Variants in TECRL observed in about 807,000 individuals in gnomAD.
TECRL encodes the protein trans-2,3-enoyl-CoA reductase like, also known as trans-2,3-enoyl-CoA reductase-like.
Under a neutral mutation model 52.8 loss-of-function variants are expected in TECRL, and 63 were observed. That is an observed-to-expected ratio of 1.19 (90% CI 0.97 to 1.47). The LOEUF (loss-of-function observed/expected upper bound fraction) is 1.47, where lower values mean the gene tolerates loss of function less well. Among genes scored for constraint, TECRL ranks in the 40% most tolerant of loss-of-function variants. The pLI is 0.00. For missense variants in TECRL, 482 were observed against 429.6 expected (o/e 1.12, Z -1.08); for synonymous variants, 164 against 141.9 (o/e 1.16, Z -1.10).
At chr4:64,356,494 G>C (rs1470887357) in intron 2 of TECRL, among the ~76,000 whole-genome samples, 1 of 152,180 alleles carries the variant, frequency 6.6e-6, no homozygotes, top group Non-Finnish European at 1.5e-5. Flanking sequence ...ATGCTGCTTT[G>C]TTATTCTTTA....
intron 3 of TECRL, among the ~76,000 whole-genome samples, chr4:64,323,264 C>CTG (rs1718031683): frequency 6.6e-6 from 1 of 151,792 alleles, no homozygotes; most frequent in East Asian, 1.9e-4. Flanking sequence ...AGGCATGGTG[C>CTG]TGTGTGCCTG....
At chr4:64,326,144 C>A (rs1718247790) in intron 3 of TECRL, among the ~76,000 whole-genome samples, 1 of 152,048 alleles carries the variant, frequency 6.6e-6, no homozygotes, top group African/African-American at 2.4e-5. Flanking sequence ...GGGTACACAA[C>A]AAACCTAGTG....
intron 4 of TECRL, among the ~76,000 whole-genome samples, chr4:64,317,132 G>T (rs1411195043): frequency 3.3e-5 from 5 of 152,046 alleles, no homozygotes; most frequent in Non-Finnish European, 7.4e-5. Flanking sequence ...TAAAAAATTA[G>T]CCGGGCGTGG....
intron 9 of TECRL, among the ~76,000 whole-genome samples, chr4:64,283,939 T>C (rs1387985726): frequency 3.3e-5 from 5 of 151,984 alleles, no homozygotes; most frequent in African/African-American, 1.2e-4. Flanking sequence ...TTCTAGCCAC[T>C]ACAACTAGGG....
At chr4:64,319,387 C>T (rs1256133184) in intron 4 of TECRL, among the ~76,000 whole-genome samples, 2 of 151,700 alleles carry the variant, frequency 1.3e-5, no homozygotes, top group Admixed American at 6.6e-5. Flanking sequence ...GGACCTACAA[C>T]TAAGTTGAAG....
intron 9 of TECRL, among the ~76,000 whole-genome samples, chr4:64,288,641 C>T (rs1723208378): frequency 6.6e-6 from 1 of 152,054 alleles, no homozygotes; most frequent in East Asian, 1.9e-4. Context: ...TGAGAAGAAG[C>T]TCCAAAGCAC....
At chr4:64,393,036 C>T (rs1723653066) in intron 1 of TECRL, among the ~76,000 whole-genome samples, 1 of 151,906 alleles carries the variant, frequency 6.6e-6, no homozygotes, top group South Asian at 2.1e-4. Flanking sequence ...GCTGTAGTAT[C>T]ATTTGTGCTT....
chr4:64,363,786 T>C (rs900132352), intron 2 of TECRL, among the ~76,000 whole-genome samples: 4 of 152,184 alleles, frequency 2.6e-5, no homozygotes, highest in Admixed American at 2.6e-4. Context: ...TTATTATGGC[T>C]AGCAGATATT....
intron 2 of TECRL, among the ~76,000 whole-genome samples, chr4:64,367,984 C>T (rs1055814940): frequency 3.9e-5 from 6 of 151,974 alleles, no homozygotes; most frequent in Non-Finnish European, 7.4e-5. Flanking sequence ...GGCATCAACA[C>T]TACCAGGTTT....
intron 4 of TECRL, among the ~76,000 whole-genome samples, chr4:64,321,842 T>C (rs1717921906): frequency 6.6e-6 from 1 of 152,196 alleles, no homozygotes; most frequent in Admixed American, 6.5e-5. Context: ...TTTTTCATGG[T>C]CAGTTGCCAA....
chr4:64,304,985 TA>T (rs2109986276), intron 7 of TECRL, 180 bp downstream of exon 7: 2 of 412,992 alleles, frequency 4.8e-6, no homozygotes, highest in Non-Finnish European at 8.7e-6. Flanking sequence ...ACAAAATAAA[TA>T]AAAATATATG....
At chr4:64,306,337 AG>A (rs1159136241) in intron 6 of TECRL, among the ~76,000 whole-genome samples, 1 of 152,108 alleles carries the variant, frequency 6.6e-6, no homozygotes, top group African/African-American at 2.4e-5. Context: ...GGGACTTAGA[AG>A]GATATCCTGG....
chr4:64,392,461 T>C (rs1217779963), intron 1 of TECRL, among the ~76,000 whole-genome samples: 2 of 151,862 alleles, frequency 1.3e-5, no homozygotes, highest in Non-Finnish European at 2.9e-5. Flanking sequence ...AACTCCAGAC[T>C]CTCTGAATGA....
chr4:64,360,648 C>T (rs373298524), intron 2 of TECRL, among the ~76,000 whole-genome samples: 1 of 151,996 alleles, frequency 6.6e-6, no homozygotes, highest in African/African-American at 2.4e-5. Context: ...TGAGTATGGA[C>T]AGAGGGAGGA....
intron 9 of TECRL, among the ~76,000 whole-genome samples, chr4:64,287,255 C>T (rs1461776298): frequency 6.6e-6 from 1 of 152,074 alleles, no homozygotes; most frequent in East Asian, 1.9e-4. Flanking sequence ...AAGTTGAGTA[C>T]TCATCACAAT....
At position 64,327,795 on chromosome 4, in the gene TECRL, A is replaced by G. The variant is rs555193968; in HGVS notation, c.331+717T>C. On this transcript the variant is annotated intron_variant, in intron 3 of 11. Transcript: ENST00000381210. Reference sequence around the variant, plus strand: ...CCTAAGAGAGGGCAACCTAAATATTAGGAAAAGCAATAGAAAAAAAATTCA... The same window carrying G: ...CCTAAGAGAGGGCAACCTAAATATTGGGAAAAGCAATAGAAAAAAAATTCA... 3.3e-5 allele frequency among the ~76,000 whole-genome samples: 5 copies of G among 152,130 alleles called. No individual in the cohort carries two copies. The East Asian group carries it at 7.7e-4, about 24-fold the overall frequency.
intron 2 of TECRL, among the ~76,000 whole-genome samples, chr4:64,346,972 G>T (rs537489149): frequency 6.6e-6 from 1 of 152,202 alleles, no homozygotes; most frequent in Non-Finnish European, 1.5e-5. Context: ...TGTTCTGTGT[G>T]TGCCTACGTC....
chr4:64,282,237 C>A (rs1241309673), intron 9 of TECRL, among the ~76,000 whole-genome samples: 1 of 151,814 alleles, frequency 6.6e-6, no homozygotes, highest in African/African-American at 2.4e-5. Flanking sequence ...TTTTAGATAA[C>A]AAATTTTTAA....
In TECRL at chr4:64,314,022, C is replaced by A. The variant is rs1577854935; in HGVS notation, c.551+626G>T. ...AAAATTAGCTGAGCATTGTGGCAAG[C>A]ACCTGTAGTCCCAGCTACTCGGGAG... On this transcript the variant is annotated intron_variant, in intron 5 of 11. Coordinates refer to ENST00000381210, the MANE Select transcript of TECRL (RefSeq NM_001010874.5). 2.7e-5 allele frequency among the ~76,000 whole-genome samples: 4 copies of A among 146,982 alleles called. No homozygotes were observed. The South Asian group carries it at 8.8e-4, about 32-fold the overall frequency.
Sources: allele counts gnomAD v4.1 joint callset (sites outside exome capture counted in the v4.1 genomes callset), GRCh38; gene constraint gnomAD v4.1.1; transcripts MANE v1.5; gene names NCBI Gene and HGNC (gene_info 2026-07-23, HGNC 2026-07-21).